The following SAMD4A variants were observed in gnomAD, a reference collection of about 807,000 sequenced individuals.
SAMD4A encodes protein Smaug homolog 1.
Under a neutral mutation model 81.3 loss-of-function variants are expected in SAMD4A, and 33 were observed. The observed-to-expected ratio is 0.41, with a 90% confidence interval of 0.31 to 0.54. The LOEUF (loss-of-function observed/expected upper bound fraction) is 0.54. Among genes scored for constraint, SAMD4A ranks in the 20% least tolerant of loss-of-function variants. SAMD4A has a pLI of 0.37. For missense variants in SAMD4A, 854 were observed against 951.1 expected, an observed-to-expected ratio of 0.90 and a Z score of 1.34; for synonymous variants, 389 against 382.1, an observed-to-expected ratio of 1.02 and a Z score of -0.21.
chr14:54,621,321 A>G (rs1048233764), intron 2 of SAMD4A, among the ~76,000 whole-genome samples: 1 of 152,016 alleles, frequency 6.6e-6, no homozygotes, highest in African/African-American at 2.4e-5. Flanking sequence ...ACCACTCTCT[A>G]TGTGTTTGTT....
Position 54,775,069 on chromosome 14 carries a change from T to C in SAMD4A, c.1851T>C (p.Ser617=). The change falls in exon 10 of 13, where the codon AGT becomes AGC. Residue 617 remains serine, a synonymous_variant. Transcript: ENST00000554335. ...PSARLGLLGT[S]GFVSSNQRNT... ...CCCGCCTGGGCCTCTTGGGCACCAG[T>C]GGATTCGTCAGCTCCAACCAGCGCA... The C allele has an allele frequency of 6.2e-7, 1 of 1,614,146 alleles. No individual in the cohort carries two copies. The highest frequency in any genetic ancestry group is 8.5e-7 in the Non-Finnish European group (1 of 1,180,024).
rs1317777368 is a variant in SAMD4A at position 54,790,827 on chromosome 14, TA to T, written c.*1884del. 4 of 152,232 alleles carry T rather than the reference TA, an allele frequency of 2.6e-5. No individual in the cohort carries two copies. The East Asian group carries it at 7.7e-4, about 29-fold the overall frequency. 9.4% of individuals were successfully genotyped at this position (152,232 alleles called of 1,614,324 possible). A position where few individuals can be genotyped will look rare whatever the true frequency, so the allele number is the denominator to read the frequency against. On this transcript the variant is annotated 3_prime_UTR_variant, in exon 13 of 13. Coordinates refer to ENST00000554335, the MANE Select transcript of SAMD4A (RefSeq NM_015589.6). ...TAATGAAATCCGAACAATTTTCTTT[TA>T]CTTTCAAGATCAAAAACATGCACCC...
chr14:54,766,106 T>C (rs1432431833), intron 8 of SAMD4A, among the ~76,000 whole-genome samples: 1 of 152,192 alleles, frequency 6.6e-6, no homozygotes, highest in African/African-American at 2.4e-5. Flanking sequence ...TTTAATGGCT[T>C]CCCTAGAGCA....
chr14:54,646,643 G>C (rs1566564642), intron 2 of SAMD4A, among the ~76,000 whole-genome samples: 1 of 152,236 alleles, frequency 6.6e-6, no homozygotes, highest in Non-Finnish European at 1.5e-5. Flanking sequence ...TCAGCTACTG[G>C]AGGTAGGGAG....
intron 2 of SAMD4A, among the ~76,000 whole-genome samples, chr14:54,630,469 T>C (rs1382062333): frequency 6.6e-6 from 1 of 152,244 alleles, no homozygotes; most frequent in African/African-American, 2.4e-5. Flanking sequence ...TTATTAGCCA[T>C]TTGTATATCT....
intron 4 of SAMD4A, among the ~76,000 whole-genome samples, chr14:54,747,780 G>T (rs1327599674): frequency 1.3e-5 from 2 of 152,162 alleles, no homozygotes; most frequent in Non-Finnish European, 2.9e-5. Flanking sequence ...CCACACACTT[G>T]CTCTGTGATC....
intron 8 of SAMD4A, among the ~76,000 whole-genome samples, chr14:54,767,517 G>A (rs1241245626): frequency 1.3e-5 from 2 of 152,224 alleles, no homozygotes; most frequent in East Asian, 3.8e-4. Context: ...GAGAAGATGA[G>A]CTCTTGCCGC....
chr14:54,687,247 A>T (rs2036296759), intron 2 of SAMD4A: 4 of 407,586 alleles, frequency 9.8e-6, no homozygotes, highest in Non-Finnish European at 1.9e-5. Context: ...AGAAAGAGAA[A>T]AGATGGATCC....
chr14:54,740,899 C>G (rs2037828792), intron 4 of SAMD4A, among the ~76,000 whole-genome samples: 1 of 152,180 alleles, frequency 6.6e-6, no homozygotes, highest in Non-Finnish European at 1.5e-5. Flanking sequence ...TTAAATGTCT[C>G]TTGAGGTAAA....
chr14:54,730,197 T>G (rs1263662522), intron 3 of SAMD4A, among the ~76,000 whole-genome samples: 2 of 152,200 alleles, frequency 1.3e-5, no homozygotes, highest in Non-Finnish European at 2.9e-5. Flanking sequence ...TGACAAGGAC[T>G]CACGGTACTA....
chr14:54,738,880 A>G (rs944195333), intron 4 of SAMD4A, among the ~76,000 whole-genome samples: 2 of 152,104 alleles, frequency 1.3e-5, no homozygotes, highest in Non-Finnish European at 2.9e-5. Flanking sequence ...TTGCGGTTCT[A>G]GTTGGTAACT....
intron 2 of SAMD4A, among the ~76,000 whole-genome samples, chr14:54,663,870 A>G (rs1206524500): frequency 6.6e-6 from 1 of 152,228 alleles, no homozygotes; most frequent in Non-Finnish European, 1.5e-5. Flanking sequence ...CCAGTGAGCC[A>G]TCCCACCCAT....
chr14:54,708,210 A>C (rs1438378496), intron 3 of SAMD4A, among the ~76,000 whole-genome samples: 2 of 152,238 alleles, frequency 1.3e-5, no homozygotes, highest in South Asian at 4.1e-4. Context: ...TAGAACCAAC[A>C]GGATTTCCTG....
chr14:54,587,670 CT>C (rs1266041413), intron 2 of SAMD4A, among the ~76,000 whole-genome samples: 3 of 152,106 alleles, frequency 2.0e-5, no homozygotes, highest in Admixed American at 2.0e-4. Context: ...TTTAATTCTG[CT>C]TATGTGGTAT....
rs144818615 is a variant in SAMD4A at position 54,615,393 on chromosome 14, G to C, written c.196+47281G>C. On this transcript the variant is annotated intron_variant, in intron 2 of 12. Transcript: ENST00000554335. ...CTCTGCCAATGTTTACATGAACCAC[G>C]TCTCTTGGTCCATGAAAAATACATG... 4.2e-4 allele frequency among the ~76,000 whole-genome samples: 64 copies of C among 152,238 alleles called. No individual in the cohort carries two copies. The East Asian group carries it at 8.5e-3, about 20-fold the overall frequency.
intron 2 of SAMD4A, among the ~76,000 whole-genome samples, chr14:54,618,922 T>G (rs2034551590): frequency 6.6e-6 from 1 of 152,220 alleles, no homozygotes; most frequent in South Asian, 2.1e-4. Context: ...GCTAACTATA[T>G]AGTAGGACTA....
At chr14:54,787,424 T>C (rs1001149854) in intron 12 of SAMD4A, among the ~76,000 whole-genome samples, 5 of 152,216 alleles carry the variant, frequency 3.3e-5, no homozygotes, top group Non-Finnish European at 7.3e-5. Flanking sequence ...CCAGCCTGGC[T>C]CCACCCACAA....
At chr14:54,771,104 C>T (rs867152969) in intron 9 of SAMD4A, among the ~76,000 whole-genome samples, 18 of 151,838 alleles carry the variant, frequency 1.2e-4, no homozygotes, top group Non-Finnish European at 2.4e-4. Flanking sequence ...CGTAAGCGTG[C>T]CTTAAAACAT....
At chr14:54,603,361 A>T (rs1316422348) in intron 2 of SAMD4A, among the ~76,000 whole-genome samples, 3 of 152,116 alleles carry the variant, frequency 2.0e-5, no homozygotes, top group Non-Finnish European at 4.4e-5. Flanking sequence ...AATACTGTAG[A>T]CTCTGTATAA....
Sources: allele counts gnomAD v4.1 joint callset (sites outside exome capture counted in the v4.1 genomes callset), GRCh38; gene constraint gnomAD v4.1.1; transcripts MANE v1.5; gene names NCBI Gene and HGNC (gene_info 2026-07-23, HGNC 2026-07-21).